Variants in APC2 observed in about 807,000 individuals in gnomAD.
APC2 encodes the protein adenomatous polyposis coli protein 2.
APC2 carries 41 observed loss-of-function variants against 72.5 expected under a neutral mutation model. The ratio of observed to expected loss-of-function variants is 0.57; its 90% CI spans 0.44 to 0.73. The LOEUF (loss-of-function observed/expected upper bound fraction) is 0.73. Ranked by LOEUF, APC2 falls within the 30% of genes least tolerant of loss-of-function variation. The pLI is 0.00. For missense variants in APC2, 3,729 were observed against 3,403.4 expected (o/e 1.10, Z -2.38); for synonymous variants, 1,898 against 1,612.0 (o/e 1.18, Z -4.25).
At chr19:1,459,834 CAG>C (rs970247989) in intron 10 of APC2, among the ~76,000 whole-genome samples, 23 of 152,300 alleles carry the variant, frequency 1.5e-4, no homozygotes, top group Admixed American at 1.3e-4. Context: ...TTAGAGGACT[CAG>C]GGGGCCTTCC....
chr19:1,465,061 C>G (rs1044050097), intron 14 of APC2, 94 bp from the exon 15 acceptor site: 1 of 1,382,732 alleles, frequency 7.2e-7, no homozygotes, highest in African/African-American at 1.5e-5. Flanking sequence ...TAACCAGATG[C>G]GTTTACTTTT....
chr19:1,449,846 T>C (rs1272262149), upstream of APC2, among the ~76,000 whole-genome samples: 1 of 152,182 alleles, frequency 6.6e-6, no homozygotes, highest in African/African-American at 2.4e-5. Flanking sequence ...TCTCCAATTC[T>C]GCAAATCCAG....
chr19:1,461,713 G>T (rs989715452), intron 13 of APC2: 3 of 502,630 alleles, frequency 6.0e-6, no homozygotes, highest in Non-Finnish European at 7.0e-6. Context: ...TTAGCCGGGC[G>T]TGGTGGCGGG....
rs538162605 is a variant in APC2 at position 1,458,833 on chromosome 19, G to A, written c.1303+773G>A. Reference sequence around the variant, plus strand: ...CGAGTAGCTGGGATTACAGGTGCCCGCCCCCACACCTGACTAATTTTTGTA... The same window carrying A: ...CGAGTAGCTGGGATTACAGGTGCCCACCCCCACACCTGACTAATTTTTGTA... On this transcript the variant is annotated intron_variant, in intron 10 of 14. Coordinates refer to ENST00000590469, the MANE Select transcript of APC2 (RefSeq NM_005883.3). Among the ~76,000 whole-genome samples the A allele has an allele frequency of 1.6e-3, 248 of 151,908 alleles. 3 individuals are homozygous for A. The highest frequency in any genetic ancestry group is 5.4e-3 in the African/African-American group (224 of 41,448).
At chr19:1,446,414 G>A, upstream of APC2, 1 of 971,170 alleles carries the variant, frequency 1.0e-6, no homozygotes, top group Non-Finnish European at 1.2e-6. This position sits in a 1 kb window ranked among gnomAD's most constrained non-coding sequence, Gnocchi z 6.1. Context: ...CACACCGCGG[G>A]AACAGCGGGC....
At chr19:1,465,112 G>C (rs1316272131) in intron 14 of APC2, 43 bp from the exon 15 acceptor site, 2 of 1,563,446 alleles carry the variant, frequency 1.3e-6, no homozygotes. Flanking sequence ...GTGGGCAGGG[G>C]AGGGTGGGGG....
At position 1,460,818 on chromosome 19, in the gene APC2, C is replaced by T. The variant is rs368821154; in HGVS notation, c.1482C>T (p.Ile494=). 18 of 1,613,066 alleles carry T rather than the reference C, an allele frequency of 1.1e-5. No homozygotes were observed. The highest frequency in any genetic ancestry group is 5.3e-5 in the African/African-American group (4 of 74,936). The change falls in exon 12 of 15, where the codon ATC becomes ATT. Residue 494 remains isoleucine (I), a synonymous_variant. Transcript: ENST00000590469. ...LCARRGCMEA[I]VAQLASDSEE... ...CGCGCCGCGGCTGCATGGAGGCCAT[C>T]GTGGCCCAGCTGGCCTCCGACAGTG...
At position 1,465,398 on chromosome 19, in the gene APC2, C is replaced by A; in HGVS notation, c.2097C>A (p.Pro699=). ...AALRNLLAHR[P]AKHQAAATAV... Reference sequence around the variant, plus strand: ...TGCGCAACCTGCTGGCCCATCGGCCCGCCAAGCACCAGGCGGCCGCCACCG... The same window carrying A: ...TGCGCAACCTGCTGGCCCATCGGCCAGCCAAGCACCAGGCGGCCGCCACCG... The change falls in exon 15 of 15, where the codon CCC becomes CCA. Residue 699 remains proline, a synonymous_variant. Transcript: ENST00000590469. 1 of 1,563,742 alleles carries A rather than the reference C, an allele frequency of 6.4e-7. No homozygotes were observed. Among genetic ancestry groups the A allele is most frequent in the Non-Finnish European group, 8.6e-7 (1 of 1,162,498 alleles).
chr19:1,450,257 T>C lies in APC2; in HGVS notation c.-100T>C. The C allele has an allele frequency of 1.0e-6, 1 of 985,322 alleles. No individual in the cohort carries two copies. Among genetic ancestry groups the C allele is most frequent in the Non-Finnish European group, 1.2e-6 (1 of 829,914 alleles). The allele number at this position is 985,322 out of a possible 1,614,324, so 61.0% of individuals were successfully genotyped here. A position where few individuals can be genotyped will look rare whatever the true frequency, so the allele number is the denominator to read the frequency against. On this transcript the variant is annotated 5_prime_UTR_variant, in exon 1 of 15. Transcript: ENST00000590469. ...GCTCCGAGGCCACCCCGGGCCGGGA[T>C]TTCCGGTGGGGCCCGCGGAGCCGCG...
chr19:1,456,237 C>G, intron 7 of APC2, 69 bp from the exon 8 acceptor site: 2 of 1,557,564 alleles, frequency 1.3e-6, no homozygotes, highest in Non-Finnish European at 1.7e-6. Context: ...CGCCCCCGCC[C>G]ACATCATCAC....
In APC2 at chr19:1,465,702, G is replaced by A. The variant is rs757798533; in HGVS notation, c.2401G>A (p.Ala801Thr). 3.9e-5 allele frequency: 61 copies of A among 1,582,900 alleles called. No homozygotes were observed. In the African/African-American group the frequency reaches 4.9e-4, roughly 13 times the overall value. ...AATGEPASPA[A>T]LSLFLGSPFL... Reference sequence around the variant, plus strand: ...CACCGGGGAGCCAGCCAGCCCTGCCGCGCTGTCCCTCTTCCTGGGCAGCCC... The same window carrying A: ...CACCGGGGAGCCAGCCAGCCCTGCCACGCTGTCCCTCTTCCTGGGCAGCCC... Residue 801 changes from alanine to threonine, a missense_variant, in exon 15 of 15, where the codon GCG (alanine) becomes ACG (threonine). Transcript: ENST00000590469.
Position 1,468,712 on chromosome 19 carries a change from A to G in APC2, c.5411A>G (p.Gln1804Arg). The G allele has an allele frequency of 6.6e-7, 1 of 1,525,344 alleles. No homozygotes were observed. Among genetic ancestry groups the G allele is most frequent in the Non-Finnish European group, 8.8e-7 (1 of 1,131,162 alleles). 94.5% of individuals were successfully genotyped at this position (1,525,344 alleles called of 1,614,324 possible). Residue 1804 changes from glutamine to arginine, a missense_variant, in exon 15 of 15, where the codon CAG (glutamine) becomes CGG (arginine). Coordinates refer to ENST00000590469, the MANE Select transcript of APC2 (RefSeq NM_005883.3). ...IYVPSPAPRA[Q>R]PKGTPGPRAT... The stretch of plus-strand genomic sequence containing the variant: ...GTCCCCAGCCCGGCACCCCGTGCCC[A>G]GCCCAAAGGGACCCCCGGCCCCCGC...
At chr19:1,446,397 CG>C (rs1179893049), upstream of APC2, 3 of 980,510 alleles carry the variant, frequency 3.1e-6, no homozygotes, top group African/African-American at 5.3e-5. This position sits in a 1 kb window ranked among gnomAD's most constrained non-coding sequence, Gnocchi z 6.1. Flanking sequence ...AGGAACGGGG[CG>C]GGGTCCACAC....
chr19:1,471,287 A>C lies in APC2; in HGVS notation c.*1074A>C, dbSNP rs957435514. The C allele has an allele frequency of 6.6e-6, 1 of 152,376 alleles. No individual in the cohort carries two copies. Among genetic ancestry groups the C allele is most frequent in the Non-Finnish European group, 1.5e-5 (1 of 68,168 alleles). The allele number at this position is 152,376 out of a possible 1,614,324, so 9.4% of individuals were successfully genotyped here. On this transcript the variant is annotated 3_prime_UTR_variant, in exon 15 of 15. Coordinates refer to ENST00000590469, the MANE Select transcript of APC2 (RefSeq NM_005883.3). ...TCAATTCCCTTCTGGTTCATGATGCATAAAGCGCTAGGCCCTAGAACTCCA... is the reference window on the plus strand; with the variant it reads ...TCAATTCCCTTCTGGTTCATGATGCCTAAAGCGCTAGGCCCTAGAACTCCA...
chr19:1,469,939 AGCCCCCCGGG>A lies in APC2; in HGVS notation c.6645_6654del (p.Gly2216ProfsTer116). ...ACGTCCCCGAGCCTGGAGACCAGGGAGCCCCCCGGGGCCCCCGCCGGCGGCCAGCTCTCCC... is the reference window on the plus strand; with the variant it reads ...ACGTCCCCGAGCCTGGAGACCAGGGAGCCCCCGCCGGCGGCCAGCTCTCCC... On this transcript the variant is annotated frameshift_variant, in exon 15 of 15. Coordinates refer to ENST00000590469, the MANE Select transcript of APC2 (RefSeq NM_005883.3). LOFTEE classifies it low-confidence loss of function (END_TRUNC). 6.6e-7 allele frequency: 1 copy of A among 1,512,890 alleles called. No individual in the cohort carries two copies. Among genetic ancestry groups the A allele is most frequent in the Non-Finnish European group, 8.8e-7 (1 of 1,137,280 alleles). 93.7% of individuals were successfully genotyped at this position (1,512,890 alleles called of 1,614,324 possible). A position where few individuals can be genotyped will look rare whatever the true frequency, so the allele number is the denominator to read the frequency against.
Position 1,470,305 on chromosome 19 carries a change from GTC to G in APC2, c.*93_*94del. On this transcript the variant is annotated 3_prime_UTR_variant, in exon 15 of 15. Transcript: ENST00000590469. ...CCTGCGCTGTAGACGTCCCCCATAG[GTC>G]GCCCCAGGGCCTCTGCCCACCCGAG... 2 of 1,419,692 alleles carry G rather than the reference GTC, an allele frequency of 1.4e-6. No homozygotes were observed. The highest frequency in any genetic ancestry group is 1.8e-6 in the Non-Finnish European group (2 of 1,086,776). 87.9% of individuals were successfully genotyped at this position (1,419,692 alleles called of 1,614,324 possible). A position where few individuals can be genotyped will look rare whatever the true frequency, so the allele number is the denominator to read the frequency against.
rs1482458455 is a variant in APC2, at chr19:1,460,337, G to A, written c.1443+17G>A. On this transcript the variant is annotated intron_variant, in intron 11 of 14. Coordinates refer to ENST00000590469, the MANE Select transcript of APC2 (RefSeq NM_005883.3). ...GCCAACAAGGTGCCCGGGGGCAGTG[G>A]GTGGGCTGGCACTTTCCTCATCCAG... The A allele has an allele frequency of 6.2e-7, 1 of 1,613,100 alleles. No homozygotes were observed. Among genetic ancestry groups the A allele is most frequent in the Non-Finnish European group, 8.5e-7 (1 of 1,179,938 alleles).
chr19:1,458,076 C>T lies in APC2; in HGVS notation c.1303+16C>T, dbSNP rs754467372. ...AACGAGCTAGGTGAGTGTCCCAGGTCCTCTGGGAAGCCATCCTCCAGCCCC... is the reference window on the plus strand; with the variant it reads ...AACGAGCTAGGTGAGTGTCCCAGGTTCTCTGGGAAGCCATCCTCCAGCCCC... On this transcript the variant is annotated intron_variant, in intron 10 of 14. Transcript: ENST00000590469. 7.2e-5 allele frequency: 111 copies of T among 1,551,340 alleles called. No individual in the cohort carries two copies. Among genetic ancestry groups the T allele is most frequent in the Non-Finnish European group, 8.9e-5 (102 of 1,145,538 alleles).
In APC2 at chr19:1,453,495, G is replaced by T. The variant is rs773849156; in HGVS notation, c.297G>T (p.Glu99Asp). 1 of 1,606,290 alleles carries T rather than the reference G, an allele frequency of 6.2e-7. No homozygotes were observed. The highest frequency in any genetic ancestry group is 1.3e-5 in the African/African-American group (1 of 74,702). ...LKFQPPTLGP[E>D]PAARTPEGSP... ...TCCAGCCGCCCACCCTGGGCCCGGA[G>T]CCTGCCGCCCGGACCCCCGAGGGCA... The change falls in exon 4 of 15, where the codon GAG becomes GAT. Residue 99 changes from glutamate to aspartate, a missense_variant. Physicochemically the swap from Glu to Asp is conservative, Grantham distance 45. Transcript: ENST00000590469.
Sources: gnomAD v4.1 joint callset for allele counts (sites outside exome capture counted in the v4.1 genomes callset) on GRCh38, gnomAD v4.1.1 for gene constraint, Gnocchi (gnomAD v3.1) non-coding constraint, MANE v1.5 for transcripts, NCBI Gene and HGNC (gene_info 2026-07-23, HGNC 2026-07-21) for gene names.